SH3PXD2A: variants seen among roughly 807,000 people sequenced by gnomAD.
SH3PXD2A encodes SH3 and PX domain-containing protein 2A.
Under a neutral mutation model 115.2 loss-of-function variants are expected in SH3PXD2A, and 32 were observed. The observed-to-expected ratio is 0.28, with a 90% CI of 0.21 to 0.37. The LOEUF is 0.37. SH3PXD2A is among the 10% of genes least tolerant of loss of function. The pLI is 1.00. For synonymous variants in SH3PXD2A, 610 were observed against 629.1 expected, an observed-to-expected ratio of 0.97 and a Z score of 0.45; for missense variants, 1,328 against 1,498.7, an observed-to-expected ratio of 0.89 and a Z score of 1.88.
chr10:103,690,783 CAGA>C (rs1376177077), intron 6 of SH3PXD2A, among the ~76,000 whole-genome samples: 2 of 152,164 alleles, frequency 1.3e-5, no homozygotes, highest in Non-Finnish European at 1.5e-5. Context: ...CCCAAATGTA[CAGA>C]AGAAGTAATG....
At chr10:103,821,076 T>TA (rs1199576477) in intron 1 of SH3PXD2A, among the ~76,000 whole-genome samples, 1 of 151,868 alleles carries the variant, frequency 6.6e-6, no homozygotes, top group Non-Finnish European at 1.5e-5. Context: ...TTAAATGGGA[T>TA]AATGCATCCA....
In SH3PXD2A at chr10:103,598,538, G is replaced by C. The variant is rs972351265; in HGVS notation, c.*3278C>G. Reference sequence around the variant, plus strand: ...AGGGCTCATTATGGTTAAAGTTGCAGTATACAGCAATACAGTGTCGTTTCA... The same window carrying C: ...AGGGCTCATTATGGTTAAAGTTGCACTATACAGCAATACAGTGTCGTTTCA... On this transcript the variant is annotated 3_prime_UTR_variant, in exon 15 of 15. Coordinates refer to ENST00000369774, the MANE Select transcript of SH3PXD2A (RefSeq NM_001394015.1). The C allele has an allele frequency of 6.5e-6, 1 of 152,700 alleles. No homozygotes were observed. Among genetic ancestry groups the C allele is most frequent in the Non-Finnish European group, 1.5e-5 (1 of 68,060 alleles). The allele number at this position is 152,700 out of a possible 1,614,324, so 9.5% of individuals were successfully genotyped here.
intron 8 of SH3PXD2A, among the ~76,000 whole-genome samples, chr10:103,646,928 G>C (rs1394383001): frequency 6.6e-6 from 1 of 152,148 alleles, no homozygotes; most frequent in East Asian, 1.9e-4. Flanking sequence ...AGAAAGCTGG[G>C]GGAAGTCACT....
At chr10:103,853,247 T>C (rs893180499) in intron 1 of SH3PXD2A, among the ~76,000 whole-genome samples, 4 of 152,246 alleles carry the variant, frequency 2.6e-5, no homozygotes, top group Non-Finnish European at 4.4e-5. Context: ...GAACAAGTTA[T>C]TATCAATCTT....
At chr10:103,836,770 C>T (rs1406359852) in intron 1 of SH3PXD2A, among the ~76,000 whole-genome samples, 1 of 152,080 alleles carries the variant, frequency 6.6e-6, no homozygotes, top group African/African-American at 2.4e-5. Flanking sequence ...ACACTAGTGT[C>T]TCCACAATTT....
intron 2 of SH3PXD2A, among the ~76,000 whole-genome samples, chr10:103,796,867 T>C (rs2039095205): frequency 6.6e-6 from 1 of 150,810 alleles, no homozygotes; most frequent in African/African-American, 2.4e-5. Flanking sequence ...ATCTTTTTTT[T>C]TTTTTTTTTT....
At chr10:103,822,069 A>G (rs2039386788) in intron 1 of SH3PXD2A, among the ~76,000 whole-genome samples, 1 of 151,602 alleles carries the variant, frequency 6.6e-6, no homozygotes, top group African/African-American at 2.4e-5. Flanking sequence ...ATCCCCAGCT[A>G]ATTTTTGTAT....
intron 1 of SH3PXD2A, among the ~76,000 whole-genome samples, chr10:103,804,450 T>A (rs527685473): frequency 1.3e-5 from 2 of 150,812 alleles, no homozygotes; most frequent in East Asian, 3.9e-4. Flanking sequence ...GCCTCCCAAG[T>A]AGCTGGGACT....
At chr10:103,738,964 T>C (rs986439703) in intron 3 of SH3PXD2A, among the ~76,000 whole-genome samples, 2 of 139,702 alleles carry the variant, frequency 1.4e-5, no homozygotes, top group Admixed American at 6.8e-5. Context: ...CCGGCTGATT[T>C]TGCATTTTTA....
intron 6 of SH3PXD2A, among the ~76,000 whole-genome samples, chr10:103,669,770 C>A (rs1168329271): frequency 6.6e-6 from 1 of 152,256 alleles, no homozygotes; most frequent in Non-Finnish European, 1.5e-5. Flanking sequence ...GTCTGAGAGA[C>A]AAACTCTCGC....
At chr10:103,697,621 T>C (rs1415837712) in intron 5 of SH3PXD2A, among the ~76,000 whole-genome samples, 1 of 152,130 alleles carries the variant, frequency 6.6e-6, no homozygotes, top group African/African-American at 2.4e-5. Context: ...TTAGGACACA[T>C]TTAACCTCCC....
intron 1 of SH3PXD2A, among the ~76,000 whole-genome samples, chr10:103,836,441 C>T (rs1245985245): frequency 1.3e-5 from 2 of 151,692 alleles, no homozygotes; most frequent in Non-Finnish European, 2.9e-5. Context: ...CACATCCATA[C>T]ACACATAACA....
intron 2 of SH3PXD2A, among the ~76,000 whole-genome samples, chr10:103,791,648 G>A (rs957120192): frequency 5.3e-5 from 8 of 151,872 alleles, no homozygotes; most frequent in East Asian, 2.0e-4. Context: ...CTCTATCCCC[G>A]CTGCCACCAC....
chr10:103,710,960 C>T (rs2038040102), intron 5 of SH3PXD2A, among the ~76,000 whole-genome samples: 1 of 152,160 alleles, frequency 6.6e-6, no homozygotes, highest in Non-Finnish European at 1.5e-5. Flanking sequence ...TGCTTGAGCC[C>T]AGCAGTTTGA....
intron 4 of SH3PXD2A, among the ~76,000 whole-genome samples, chr10:103,734,848 A>G (rs1265675704): frequency 1.3e-5 from 2 of 152,266 alleles, no homozygotes; most frequent in Non-Finnish European, 2.9e-5. Context: ...AAATAATAAC[A>G]AAAGCATCTG....
At chr10:103,708,519 G>T (rs2038008792) in intron 5 of SH3PXD2A, among the ~76,000 whole-genome samples, 1 of 152,158 alleles carries the variant, frequency 6.6e-6, no homozygotes, top group African/African-American at 2.4e-5. Flanking sequence ...TGGAGGGAGG[G>T]AAAAGGGGTG....
intron 1 of SH3PXD2A, among the ~76,000 whole-genome samples, chr10:103,835,965 C>T (rs1411850071): frequency 6.6e-6 from 1 of 152,176 alleles, no homozygotes; most frequent in Non-Finnish European, 1.5e-5. Flanking sequence ...GACGAGGAAC[C>T]AGCAAAGGAT....
chr10:103,784,176 C>T lies in SH3PXD2A; in HGVS notation c.154-17007G>A, dbSNP rs1261294027. Among the ~76,000 whole-genome samples, 2 of 152,202 alleles carry T rather than the reference C, an allele frequency of 1.3e-5. No individual in the cohort carries two copies. The highest frequency in any genetic ancestry group is 1.5e-5 in the Non-Finnish European group (1 of 68,022). On this transcript the variant is annotated intron_variant, in intron 2 of 14. Transcript: ENST00000369774. The surrounding 1 kb of genome is among the most constrained non-coding windows in gnomAD (Gnocchi z 4.4). The stretch of plus-strand genomic sequence containing the variant: ...GCAGGGAGAGAAGATGCTGGCTGCT[C>T]GGGGGTTGCTGGGGCACCTGTGTGC...
intron 1 of SH3PXD2A, among the ~76,000 whole-genome samples, chr10:103,840,912 G>A (rs761846683): frequency 7.2e-5 from 11 of 152,196 alleles, no homozygotes; most frequent in Non-Finnish European, 1.3e-4. Context: ...GTTACACACA[G>A]CATTTAGGCT....
Sources: allele counts gnomAD v4.1 joint callset (sites outside exome capture counted in the v4.1 genomes callset), GRCh38; gene constraint gnomAD v4.1.1; non-coding constraint Gnocchi (gnomAD v3.1); transcripts MANE v1.5; gene names NCBI Gene and HGNC (gene_info 2026-07-23, HGNC 2026-07-21).